CDH8: variants seen among roughly 807,000 people sequenced by gnomAD.
CDH8 encodes the protein cadherin-8.
In CDH8, 17 loss-of-function variants were observed where a neutral mutation model predicts 68.1. The observed-to-expected ratio is 0.25, with a 90% CI of 0.17 to 0.37. CDH8 has a LOEUF of 0.37. Ranked by LOEUF, CDH8 falls within the 10% of genes least tolerant of loss-of-function variation. CDH8 has a pLI of 1.00. For synonymous variants in CDH8, 372 were observed against 365.1 expected (o/e 1.02, Z -0.21); for missense variants, 763 against 999.3 (o/e 0.76, Z 3.19).
chr16:61,899,880 G>A (rs954952249), intron 3 of CDH8, among the ~76,000 whole-genome samples: 7 of 142,376 alleles, frequency 4.9e-5, no homozygotes, highest in African/African-American at 1.8e-4. Context: ...GTATCTCACT[G>A]GATTGCTAAA....
chr16:61,821,092 G>A lies in CDH8; in HGVS notation c.857C>T (p.Pro286Leu), dbSNP rs201768054. 4.0e-5 allele frequency: 64 copies of A among 1,611,226 alleles called. No individual in the cohort carries two copies. The highest frequency in any genetic ancestry group is 1.3e-4 in the Admixed American group (8 of 59,754). Residue 286 changes from proline (P) to leucine (L), a missense_variant, in exon 6 of 12, where the codon CCG becomes CTG. Pro to Leu is a moderately conservative substitution (Grantham distance 98, BLOSUM62 -3). Around this residue, in one of 2 missense-constraint regions of CDH8, gnomAD observed 366 missense variants for 563.1 expected, o/e 0.65. Coordinates refer to ENST00000577390, the MANE Select transcript of CDH8 (RefSeq NM_001796.5). ...FAQSLYHFSVPEDVVLGTAIG... is the reference protein window; with the variant it reads ...FAQSLYHFSVLEDVVLGTAIG... ...TGCAGTGCCAAGAACCACATCTTCC[G>A]GTACTGAGAAGTGATACAGGCCTTT...
chr16:61,787,259 C>G (rs1048689809), intron 8 of CDH8, among the ~76,000 whole-genome samples: 11 of 148,582 alleles, frequency 7.4e-5, no homozygotes, highest in African/African-American at 1.7e-4. Flanking sequence ...AAACAAACAA[C>G]CCCATCAAAA....
intron 7 of CDH8, among the ~76,000 whole-genome samples, chr16:61,792,296 A>G (rs1483221979): frequency 6.6e-6 from 1 of 152,034 alleles, no homozygotes; most frequent in East Asian, 1.9e-4. Flanking sequence ...TCATAATATT[A>G]CCAGATTACA....
chr16:61,928,095 C>T (rs1964484461), intron 2 of CDH8, among the ~76,000 whole-genome samples: 1 of 152,170 alleles, frequency 6.6e-6, no homozygotes, highest in Non-Finnish European at 1.5e-5. Context: ...TGTGGTATTA[C>T]ATGGCTGGTT....
intron 2 of CDH8, among the ~76,000 whole-genome samples, chr16:61,967,838 C>T (rs899054670): frequency 1.3e-5 from 2 of 152,154 alleles, no homozygotes; most frequent in Non-Finnish European, 2.9e-5. Context: ...GACGGAGTTT[C>T]GCTCTTGTTA....
At position 61,804,310 on chromosome 16, in the gene CDH8, T is replaced by C. The variant is rs1056460463; in HGVS notation, c.1277+13169A>G. Among the ~76,000 whole-genome samples the C allele has an allele frequency of 5.3e-5, 8 of 151,758 alleles. No homozygotes were observed. The South Asian group carries it at 1.3e-3, about 24-fold the overall frequency. On this transcript the variant is annotated intron_variant, in intron 7 of 11. Transcript: ENST00000577390. ...AACATACCAGAATCTCTGGGACACA[T>C]TCAAAACAGTGTGTAGAGGGAAATT...
chr16:61,698,483 A>T (rs1397056581), intron 10 of CDH8, among the ~76,000 whole-genome samples: 2 of 152,180 alleles, frequency 1.3e-5, no homozygotes, highest in Non-Finnish European at 2.9e-5. Flanking sequence ...ATATAATCAC[A>T]GCTGTGACAG....
At chr16:61,713,811 T>C (rs779338685) in intron 10 of CDH8, 30 bp downstream of exon 10, 3 of 1,120,450 alleles carry the variant, frequency 2.7e-6, no homozygotes, top group African/African-American at 1.5e-5. Context: ...ATTTATATTG[T>C]ACTCTGTTTC....
intron 8 of CDH8, among the ~76,000 whole-genome samples, chr16:61,735,608 T>C (rs1281547432): frequency 6.6e-6 from 1 of 152,142 alleles, no homozygotes; most frequent in Admixed American, 6.6e-5. Flanking sequence ...TTTTAAGAAA[T>C]ATCACATTAT....
intron 10 of CDH8, among the ~76,000 whole-genome samples, chr16:61,696,233 GCTTTAAAACGGACCTTC>G (rs1567427402): frequency 6.6e-6 from 1 of 152,132 alleles, no homozygotes; most frequent in Non-Finnish European, 1.5e-5. Flanking sequence ...AGCCTAACTT[GCTTTAAAACGGACCTTC>G]CTCCATTTCT....
intron 10 of CDH8, among the ~76,000 whole-genome samples, chr16:61,665,494 G>T (rs941208620): frequency 6.6e-6 from 1 of 151,812 alleles, no homozygotes; most frequent in African/African-American, 2.4e-5. Context: ...CACACACCAG[G>T]GCCTGTCAGG....
At chr16:61,740,411 A>C (rs1434545872) in intron 8 of CDH8, among the ~76,000 whole-genome samples, 1 of 152,118 alleles carries the variant, frequency 6.6e-6, no homozygotes, top group Non-Finnish European at 1.5e-5. Flanking sequence ...TTGCATTTAA[A>C]GTAAGCCATG....
rs1567546377 is a variant in CDH8, at chr16:61,960,279, ATACACACATATATACG to A, written c.253-58822_253-58807del. On this transcript the variant is annotated intron_variant, in intron 2 of 11. Coordinates refer to ENST00000577390, the MANE Select transcript of CDH8 (RefSeq NM_001796.5). ...CACATACATATATACGTGTGTGTGTATACACACATATATACGTGTGTGTGTATACACACATATATAC... is the reference window on the plus strand; with the variant it reads ...CACATACATATATACGTGTGTGTGTATGTGTGTGTATACACACATATATAC... 4.1e-3 allele frequency among the ~76,000 whole-genome samples: 420 copies of A among 101,366 alleles called. 169 individuals carry two copies. The highest frequency in any genetic ancestry group is 0.025 in the African/African-American group (395 of 15,546). The allele number at this position is 101,366 out of a possible 152,430, so 66.5% of individuals were successfully genotyped here.
At chr16:61,717,495 T>A (rs971347576) in intron 9 of CDH8, among the ~76,000 whole-genome samples, 18 of 151,806 alleles carry the variant, frequency 1.2e-4, no homozygotes, top group Admixed American at 2.0e-4. Context: ...ATTAGATTGT[T>A]TTAACAGAGT....
chr16:61,731,872 G>A (rs2142904002), intron 8 of CDH8, among the ~76,000 whole-genome samples: 1 of 151,830 alleles, frequency 6.6e-6, no homozygotes, highest in African/African-American at 2.4e-5. Context: ...ATATGTAAAT[G>A]AAGATGCCAT....
At chr16:61,852,509 C>G (rs558337634) in intron 4 of CDH8, among the ~76,000 whole-genome samples, 44 of 151,990 alleles carry the variant, frequency 2.9e-4, no homozygotes, top group Non-Finnish European at 5.0e-4. Context: ...ATTATGGTCT[C>G]AAGGCTATTT....
intron 2 of CDH8, among the ~76,000 whole-genome samples, chr16:61,985,415 G>A (rs902356830): frequency 1.3e-5 from 2 of 152,178 alleles, no homozygotes; most frequent in African/African-American, 4.8e-5. Flanking sequence ...CATATATAGA[G>A]CATTTCCATC....
intron 2 of CDH8, among the ~76,000 whole-genome samples, chr16:61,909,522 G>A (rs1964123742): frequency 6.6e-6 from 1 of 152,124 alleles, no homozygotes; most frequent in South Asian, 2.1e-4. Flanking sequence ...GAATGGCTTA[G>A]GTGACATAAC....
intron 2 of CDH8, among the ~76,000 whole-genome samples, chr16:61,931,989 C>T (rs1001742337): frequency 4.6e-5 from 7 of 151,966 alleles, no homozygotes; most frequent in Non-Finnish European, 8.8e-5. Context: ...GGGCGGATCA[C>T]GAGGTCAGGA....
Sources: gnomAD v4.1 joint callset for allele counts (sites outside exome capture counted in the v4.1 genomes callset) on GRCh38, gnomAD v4.1.1 for gene constraint, gnomAD v4.1.1 regional missense constraint, MANE v1.5 for transcripts, NCBI Gene and HGNC (gene_info 2026-07-23, HGNC 2026-07-21) for gene names.